The following PLCG2 variants were observed in gnomAD, a reference collection of about 807,000 sequenced individuals.
PLCG2 encodes phospholipase C gamma 2, also known as 1-phosphatidylinositol 4,5-bisphosphate phosphodiesterase gamma-2.
A neutral mutation model predicts 175.6 loss-of-function variants in PLCG2; 69 were observed. The observed-to-expected ratio is 0.39, with a 90% CI of 0.32 to 0.48. PLCG2 has a LOEUF of 0.48. Ranked by LOEUF, PLCG2 falls within the 20% of genes least tolerant of loss-of-function variation. PLCG2 has a pLI of 0.91. For synonymous variants in PLCG2, 827 were observed against 624.0 expected (o/e 1.33, Z -4.85); for missense variants, 1,798 against 1,650.9 (o/e 1.09, Z -1.54).
intron 25 of PLCG2, among the ~76,000 whole-genome samples, chr16:81,933,244 CTG>C: frequency 6.6e-6 from 1 of 152,278 alleles, no homozygotes; most frequent in East Asian, 1.9e-4. Flanking sequence ...GGTAAAAAAA[CTG>C]GGACAGTAGA....
chr16:81,797,347 T>C (rs1034929124), intron 2 of PLCG2, among the ~76,000 whole-genome samples: 11 of 152,222 alleles, frequency 7.2e-5, no homozygotes, highest in Non-Finnish European at 1.5e-5. Flanking sequence ...CGGGTTTTTG[T>C]ATATCAGGCT....
intron 1 of PLCG2, among the ~76,000 whole-genome samples, chr16:81,754,015 G>T (rs1418136030): frequency 4.6e-5 from 7 of 152,044 alleles, no homozygotes; most frequent in Non-Finnish European, 8.8e-5. Context: ...TGGCCTGGCC[G>T]CCATCACAGG....
At chr16:81,907,329 C>T (rs959591994) in intron 15 of PLCG2, among the ~76,000 whole-genome samples, 4 of 151,586 alleles carry the variant, frequency 2.6e-5, no homozygotes, top group African/African-American at 9.7e-5. Flanking sequence ...GTCATTAAGC[C>T]ACAAATAAAT....
chr16:81,952,058 A>G (rs1256342605), intron 31 of PLCG2, among the ~76,000 whole-genome samples: 2 of 152,162 alleles, frequency 1.3e-5, no homozygotes, highest in African/African-American at 4.8e-5. Context: ...GACAAATGGG[A>G]CATCCCATTT....
chr16:81,806,437 C>T (rs143821278), intron 2 of PLCG2, among the ~76,000 whole-genome samples: 1 of 152,106 alleles, frequency 6.6e-6, no homozygotes, highest in Non-Finnish European at 1.5e-5. Context: ...CATCTGATTG[C>T]TGGGCCCGAG....
chr16:81,819,683 C>T, intron 2 of PLCG2, among the ~76,000 whole-genome samples: 1 of 152,156 alleles, frequency 6.6e-6, no homozygotes, highest in Non-Finnish European at 1.5e-5. Context: ...CTTCTGGTTT[C>T]AAGCGAATAT....
intron 1 of PLCG2, among the ~76,000 whole-genome samples, chr16:81,741,026 C>G (rs1266391200): frequency 6.6e-6 from 1 of 152,168 alleles, no homozygotes; most frequent in Non-Finnish European, 1.5e-5. Flanking sequence ...CCCCATAGAG[C>G]AAGAGGGGTT....
chr16:81,770,648 G>A (rs1910257832), intron 2 of PLCG2, among the ~76,000 whole-genome samples: 1 of 152,082 alleles, frequency 6.6e-6, no homozygotes, highest in African/African-American at 2.4e-5. Flanking sequence ...CCGGCGGAGA[G>A]GGCAGAGGTT....
intron 13 of PLCG2, among the ~76,000 whole-genome samples, chr16:81,899,520 C>G (rs117261090): frequency 6.6e-6 from 1 of 152,168 alleles, no homozygotes; most frequent in Non-Finnish European, 1.5e-5. Context: ...GAGACTCATG[C>G]GATGCACACG....
intron 7 of PLCG2, among the ~76,000 whole-genome samples, chr16:81,874,778 C>T (rs1448750612): frequency 2.0e-5 from 3 of 152,146 alleles, no homozygotes; most frequent in East Asian, 3.8e-4. Flanking sequence ...TCTCGAGCTT[C>T]AGAGTTTCCA....
intron 7 of PLCG2, among the ~76,000 whole-genome samples, chr16:81,878,158 AT>A (rs1030218595): frequency 6.7e-6 from 1 of 150,146 alleles, no homozygotes; most frequent in Non-Finnish European, 1.5e-5. Context: ...AATTTTTTGT[AT>A]TTTTTTAGTA....
intron 2 of PLCG2, among the ~76,000 whole-genome samples, chr16:81,848,477 GTC>G (rs1321386697): frequency 6.6e-6 from 1 of 152,088 alleles, no homozygotes; most frequent in African/African-American, 2.4e-5. Context: ...ACCATGCTCT[GTC>G]TCTCTGCCTT....
intron 32 of PLCG2, among the ~76,000 whole-genome samples, chr16:81,957,558 G>C (rs997388565): frequency 6.6e-6 from 1 of 152,194 alleles, no homozygotes; most frequent in African/African-American, 2.4e-5. Flanking sequence ...AGGGATGCTT[G>C]TGGTTGTGCT....
At chr16:81,778,223 A>G (rs1910541275), upstream of PLCG2, among the ~76,000 whole-genome samples, 1 of 151,992 alleles carries the variant, frequency 6.6e-6, no homozygotes, top group Non-Finnish European at 1.5e-5. Context: ...AAAAGAGAAA[A>G]TTAGCCAAGT....
chr16:81,889,338 G>T, intron 10 of PLCG2, 65 bp downstream of exon 10: 1 of 858,026 alleles, frequency 1.2e-6, no homozygotes, highest in Non-Finnish European at 1.9e-6. Context: ...GCTTTCTGAG[G>T]TTTATTTTCT....
At position 81,940,087 on chromosome 16, in the gene PLCG2, G is replaced by A. The variant is rs549057356; in HGVS notation, c.3481+28G>A. ...AAGAGGCATTTTAATTAAGATGTTCGATTTGGGCTGGCGTTGTACTTTGGT... is the reference window on the plus strand; with the variant it reads ...AAGAGGCATTTTAATTAAGATGTTCAATTTGGGCTGGCGTTGTACTTTGGT... On this transcript the variant is annotated intron_variant, in intron 30 of 32. Transcript: ENST00000564138. The A allele has an allele frequency of 4.7e-5, 75 of 1,581,442 alleles. No homozygotes were observed. The South Asian group carries it at 6.0e-4, about 13-fold the overall frequency.
intron 2 of PLCG2, among the ~76,000 whole-genome samples, chr16:81,839,490 C>T (rs1197964751): frequency 6.6e-6 from 1 of 152,066 alleles, no homozygotes; most frequent in South Asian, 2.1e-4. Flanking sequence ...ATGAGCCCTT[C>T]CTTTATTGCC....
intron 2 of PLCG2, among the ~76,000 whole-genome samples, chr16:81,788,342 A>G (rs1259109492): frequency 6.6e-6 from 1 of 152,128 alleles, no homozygotes; most frequent in Admixed American, 6.5e-5. Context: ...GTGCAGTAGT[A>G]CAATGTCAGC....
chr16:81,795,823 C>A (rs997090497), intron 2 of PLCG2, among the ~76,000 whole-genome samples: 2 of 152,220 alleles, frequency 1.3e-5, no homozygotes, highest in African/African-American at 4.8e-5. Flanking sequence ...CTTTGGCCTC[C>A]CAAAGAGCTG....
Sources: gnomAD v4.1 joint callset for allele counts (sites outside exome capture counted in the v4.1 genomes callset) on GRCh38, gnomAD v4.1.1 for gene constraint, MANE v1.5 for transcripts, NCBI Gene and HGNC (gene_info 2026-07-23, HGNC 2026-07-21) for gene names.